The following CTNND2 variants were observed in gnomAD, a reference collection of about 807,000 sequenced individuals.
The protein encoded by CTNND2 is catenin delta 2.
CTNND2 carries 22 observed loss-of-function variants against 144.4 expected under a neutral mutation model. The observed-to-expected ratio is 0.15, with a 90% confidence interval of 0.11 to 0.22. CTNND2 has a LOEUF of 0.22. Among genes scored for constraint, CTNND2 ranks in the 10% least tolerant of loss-of-function variants. The probability of loss-of-function intolerance (pLI) is 1.00; values close to 1 mark genes in which losing one functional copy is unlikely to be tolerated. For synonymous variants in CTNND2, 751 were observed against 695.6 expected (o/e 1.08, Z -1.25); for missense variants, 1,353 against 1,618.8 (o/e 0.84, Z 2.82).
chr5:11,461,022 G>C (rs996066260), intron 3 of CTNND2, among the ~76,000 whole-genome samples: 1 of 151,218 alleles, frequency 6.6e-6, no homozygotes, highest in South Asian at 2.1e-4. Flanking sequence ...GCATTCTGGC[G>C]ACAGAGCGAG....
intron 18 of CTNND2, among the ~76,000 whole-genome samples, chr5:11,004,850 C>CTG (rs1369003543): frequency 6.6e-6 from 1 of 151,512 alleles, no homozygotes; most frequent in Non-Finnish European, 1.5e-5. Flanking sequence ...CTCTGCTAGG[C>CTG]TTACACTCTG....
chr5:11,111,565 A>C (rs1180422824), intron 13 of CTNND2, among the ~76,000 whole-genome samples: 1 of 152,108 alleles, frequency 6.6e-6, no homozygotes, highest in African/African-American at 2.4e-5. Flanking sequence ...GGGGTGCATA[A>C]ATATTTTTAG....
At position 11,278,820 on chromosome 5, in the gene CTNND2, T is replaced by C. The variant is rs1746821697; in HGVS notation, c.1629-41997A>G. On this transcript the variant is annotated intron_variant, in intron 9 of 21. Coordinates refer to ENST00000304623, the MANE Select transcript of CTNND2 (RefSeq NM_001332.4). ...CACTCCTCCTTGAAGCACTCTCTTC[T>C]GGGACCCACCTCTCCTGGTTTCCTC... Among the ~76,000 whole-genome samples, 3 of 152,196 alleles carry C rather than the reference T, an allele frequency of 2.0e-5. No individual in the cohort carries two copies. In the South Asian group the frequency reaches 6.2e-4, roughly 32 times the overall value.
At chr5:11,619,157 T>G (rs1178173636) in intron 2 of CTNND2, among the ~76,000 whole-genome samples, 2 of 152,120 alleles carry the variant, frequency 1.3e-5, no homozygotes, top group Admixed American at 6.6e-5. Context: ...CCTGTAACCC[T>G]AGCACTTTGG....
Position 11,903,476 on chromosome 5 carries a change from C to G in CTNND2, c.37+341G>C, listed in dbSNP as rs1380645670. 8.1e-6 allele frequency: 6 copies of G among 745,072 alleles called. No homozygotes were observed. The highest frequency in any genetic ancestry group is 1.0e-4 in the Admixed American group (2 of 19,474). 46.2% of individuals were successfully genotyped at this position (745,072 alleles called of 1,614,324 possible). ...TATATTAGGGACGTCATGAATGCACCGAGTATGTTCTCAGGGTGGCGGGGA... is the reference window on the plus strand; with the variant it reads ...TATATTAGGGACGTCATGAATGCACGGAGTATGTTCTCAGGGTGGCGGGGA... On this transcript the variant is annotated intron_variant, in intron 1 of 21. Coordinates refer to ENST00000304623, the MANE Select transcript of CTNND2 (RefSeq NM_001332.4). This position sits in a 1 kb window ranked among gnomAD's most constrained non-coding sequence, Gnocchi z 5.4.
chr5:11,194,546 C>T (rs981503615), intron 11 of CTNND2, among the ~76,000 whole-genome samples: 24 of 152,248 alleles, frequency 1.6e-4, no homozygotes, highest in East Asian at 7.7e-4. Flanking sequence ...CCCACCCATT[C>T]GCCCTGAAGT....
At chr5:11,486,473 T>C (rs996224667) in intron 3 of CTNND2, among the ~76,000 whole-genome samples, 2 of 152,112 alleles carry the variant, frequency 1.3e-5, no homozygotes, top group Non-Finnish European at 2.9e-5. Context: ...CCAGTAACTA[T>C]TGAAATGGAA....
chr5:11,238,275 C>A (rs1741853922), intron 9 of CTNND2, among the ~76,000 whole-genome samples: 1 of 152,080 alleles, frequency 6.6e-6, no homozygotes, highest in South Asian at 2.1e-4. Flanking sequence ...CTTGACCCCA[C>A]AAGCCACCAA....
chr5:11,897,927 C>A (rs1737526047), intron 1 of CTNND2, among the ~76,000 whole-genome samples: 1 of 152,192 alleles, frequency 6.6e-6, no homozygotes, highest in Non-Finnish European at 1.5e-5. Context: ...CACTGCTGGC[C>A]TCTCTCCAGC....
intron 9 of CTNND2, among the ~76,000 whole-genome samples, chr5:11,249,528 G>A (rs1464526664): frequency 6.6e-6 from 1 of 152,164 alleles, no homozygotes; most frequent in Non-Finnish European, 1.5e-5. Context: ...ACAGAGTAAT[G>A]TTCAACCTGT....
chr5:11,688,069 G>A (rs1784736649), intron 2 of CTNND2, among the ~76,000 whole-genome samples: 2 of 152,162 alleles, frequency 1.3e-5, no homozygotes, highest in African/African-American at 4.8e-5. Flanking sequence ...AAGTGGTGGT[G>A]GAGCAGATCA....
intron 2 of CTNND2, among the ~76,000 whole-genome samples, chr5:11,671,430 G>C (rs926522575): frequency 6.6e-6 from 1 of 151,788 alleles, no homozygotes; most frequent in African/African-American, 2.4e-5. Flanking sequence ...ATGTAGATTT[G>C]GTCTTTTCAC....
intron 9 of CTNND2, among the ~76,000 whole-genome samples, chr5:11,318,041 A>G (rs116723736): frequency 2.0e-3 from 305 of 152,312 alleles, no homozygotes; most frequent in African/African-American, 6.9e-3. Context: ...CATGTGTGGC[A>G]TGCTCAGAGG....
intron 3 of CTNND2, among the ~76,000 whole-genome samples, chr5:11,416,468 C>T (rs995926243): frequency 5.3e-5 from 8 of 152,016 alleles, no homozygotes; most frequent in Admixed American, 6.6e-5. Flanking sequence ...AATGGAAGTC[C>T]CAAGAGAAAG....
chr5:11,095,740 A>C (rs1751274829), intron 15 of CTNND2, among the ~76,000 whole-genome samples: 1 of 152,204 alleles, frequency 6.6e-6, no homozygotes, highest in South Asian at 2.1e-4. Flanking sequence ...GATGTGGCGC[A>C]GTTCTTTGTA....
chr5:11,035,197 C>G (rs993268711), intron 16 of CTNND2, among the ~76,000 whole-genome samples: 1 of 152,150 alleles, frequency 6.6e-6, no homozygotes, highest in African/African-American at 2.4e-5. Flanking sequence ...TATTATTTCA[C>G]AGTTCTGCAG....
At chr5:11,189,484 A>C (rs989140678) in intron 11 of CTNND2, among the ~76,000 whole-genome samples, 1 of 152,168 alleles carries the variant, frequency 6.6e-6, no homozygotes, top group Non-Finnish European at 1.5e-5. Flanking sequence ...ATGAGAATGA[A>C]GACCTTATGA....
intron 2 of CTNND2, among the ~76,000 whole-genome samples, chr5:11,725,152 G>T (rs746084664): frequency 6.6e-6 from 1 of 152,156 alleles, no homozygotes; most frequent in East Asian, 1.9e-4. Context: ...ACTTGAACAT[G>T]ATCGATGGGC....
At chr5:11,661,566 T>C (rs1484367741) in intron 2 of CTNND2, among the ~76,000 whole-genome samples, 1 of 152,140 alleles carries the variant, frequency 6.6e-6, no homozygotes, top group Non-Finnish European at 1.5e-5. Flanking sequence ...TCTAGCACTC[T>C]TCCCAAACCT....
Sources: gnomAD v4.1 joint callset for allele counts (sites outside exome capture counted in the v4.1 genomes callset) on GRCh38, gnomAD v4.1.1 for gene constraint, Gnocchi (gnomAD v3.1) non-coding constraint, MANE v1.5 for transcripts, NCBI Gene and HGNC (gene_info 2026-07-23, HGNC 2026-07-21) for gene names.